Variants in TJP2 observed in about 807,000 individuals in gnomAD.
TJP2 encodes Friedreich ataxia region gene X104 (tight junction protein ZO-2).
In TJP2, 91 loss-of-function variants were observed where a neutral mutation model predicts 133.1. The observed-to-expected ratio is 0.68, with a 90% CI of 0.58 to 0.81. The LOEUF (loss-of-function observed/expected upper bound fraction) is 0.81, where lower values mean the gene tolerates loss of function less well. TJP2 is among the 40% of genes least tolerant of loss of function. TJP2 has a pLI of 0.00. For synonymous variants in TJP2, 592 were observed against 583.4 expected, an observed-to-expected ratio of 1.01 and a Z score of -0.21; for missense variants, 1,541 against 1,565.6, an observed-to-expected ratio of 0.98 and a Z score of 0.26.
chr9:69,254,340 GCCAGT>G lies in TJP2; in HGVS notation c.3541_3545del (p.Gln1181CysfsTer12). The G allele has an allele frequency of 6.2e-7, 1 of 1,614,216 alleles. No homozygotes were observed. Among genetic ancestry groups the G allele is most frequent in the Non-Finnish European group, 8.5e-7 (1 of 1,180,042 alleles). On this transcript the variant is annotated frameshift_variant, in exon 23 of 23. Transcript: ENST00000377245. LOFTEE classifies it high-confidence loss of function. Reference sequence around the variant, plus strand: ...GAACACTCCAAGCGCGGTTACTATGGCCAGTCTGCCCGATACCGGGACACAGAATT... The same window carrying G: ...GAACACTCCAAGCGCGGTTACTATGGCTGCCCGATACCGGGACACAGAATT...
chr9:69,146,134 TA>T (rs1428095151), intron 1 of TJP2, among the ~76,000 whole-genome samples: 4 of 152,212 alleles, frequency 2.6e-5, no homozygotes, highest in African/African-American at 9.6e-5. Flanking sequence ...TAGCAATTCT[TA>T]AGAATGAAGA....
chr9:69,168,474 AAG>A (rs776667025), intron 2 of TJP2, among the ~76,000 whole-genome samples: 1 of 152,110 alleles, frequency 6.6e-6, no homozygotes, highest in South Asian at 2.1e-4. Flanking sequence ...AAAAAGAAAA[AAG>A]AGGAGGACTT....
chr9:69,242,409 A>C (rs1184650480), intron 17 of TJP2, among the ~76,000 whole-genome samples: 2 of 152,218 alleles, frequency 1.3e-5, no homozygotes, highest in African/African-American at 4.8e-5. Context: ...TGTAACTTAC[A>C]TTAGAACTGC....
chr9:69,251,767 A>G (rs144171640), intron 21 of TJP2, among the ~76,000 whole-genome samples: 45 of 152,262 alleles, frequency 3.0e-4, no homozygotes, highest in African/African-American at 1.1e-3. Flanking sequence ...CATAGATTGT[A>G]CTTTTTGAGC....
At chr9:69,199,081 A>G (rs1042105335) in intron 1 of TJP2, among the ~76,000 whole-genome samples, 3 of 152,230 alleles carry the variant, frequency 2.0e-5, no homozygotes, top group African/African-American at 7.2e-5. Context: ...TCTTCACAAT[A>G]GTTAAAACCA....
chr9:69,253,997 G>T (rs1831526451), intron 22 of TJP2: 4 of 607,738 alleles, frequency 6.6e-6, no homozygotes, highest in Admixed American at 2.5e-5. Flanking sequence ...CACCTGGCTG[G>T]CTTCCTCACT....
At chr9:69,204,838 A>T in intron 1 of TJP2, 1 of 1,101,568 alleles carries the variant, frequency 9.1e-7, no homozygotes, top group Non-Finnish European at 1.1e-6. Flanking sequence ...CAATTCTGTC[A>T]ACTTAGATGC....
At chr9:69,217,851 G>A (rs1828507254) in intron 3 of TJP2, among the ~76,000 whole-genome samples, 2 of 152,156 alleles carry the variant, frequency 1.3e-5, no homozygotes, top group South Asian at 4.1e-4. Flanking sequence ...CCCTTTTCCT[G>A]CACAAAAGCA....
chr9:69,148,968 C>A (rs1823345208), intron 1 of TJP2, among the ~76,000 whole-genome samples: 1 of 152,156 alleles, frequency 6.6e-6, no homozygotes. Flanking sequence ...TACCCAGCCA[C>A]CTATGAATCT....
At chr9:69,156,761 C>T (rs1003300095) in intron 2 of TJP2, among the ~76,000 whole-genome samples, 2 of 151,978 alleles carry the variant, frequency 1.3e-5, no homozygotes, top group Admixed American at 6.5e-5. Flanking sequence ...CCTCGTGATC[C>T]GCCCGCCTCG....
upstream of TJP2, among the ~76,000 whole-genome samples, chr9:69,173,330 A>G (rs1363711373): frequency 6.6e-6 from 1 of 152,222 alleles, no homozygotes; most frequent in Non-Finnish European, 1.5e-5. Flanking sequence ...GATTCTCCAA[A>G]TTAATTTATA....
At position 69,132,917 on chromosome 9, in the gene TJP2, C is replaced by A. The variant is rs57848371; in HGVS notation, c.-131+11192C>A. Reference sequence around the variant, plus strand: ...GTGCCTTGGGCAAGTTACTTAGTCACCTGGTGCCTAGATTTCTTCATTTCT... The same window carrying A: ...GTGCCTTGGGCAAGTTACTTAGTCAACTGGTGCCTAGATTTCTTCATTTCT... On this transcript the variant is annotated intron_variant, in intron 1 of 5. Transcript: ENST00000423935. Among the ~76,000 whole-genome samples, 876 of 152,236 alleles carry A rather than the reference C, an allele frequency of 5.8e-3. 3 individuals carry two copies. Among genetic ancestry groups the A allele is most frequent in the African/African-American group, 0.02 (834 of 41,528 alleles).
chr9:69,140,281 A>G lies in TJP2; in HGVS notation c.-130-11370A>G, dbSNP rs538551969. 1.0e-3 allele frequency among the ~76,000 whole-genome samples: 154 copies of G among 152,324 alleles called. 1 individual carries two copies. The highest frequency in any genetic ancestry group is 3.6e-3 in the African/African-American group (150 of 41,578). On this transcript the variant is annotated intron_variant, in intron 1 of 5. Transcript: ENST00000423935. ...ATGTTACATGTGCTCAGTGCTTTCC[A>G]TGTAATAACTGGTGTAATTTTAAAA...
chr9:69,229,873 C>T (rs1829637155), intron 10 of TJP2, among the ~76,000 whole-genome samples: 2 of 152,114 alleles, frequency 1.3e-5, no homozygotes, highest in African/African-American at 4.8e-5. Flanking sequence ...ATGTCTTCAC[C>T]AGTAACCAGG....
chr9:69,154,030 CACA>C (rs1823616114), intron 2 of TJP2, among the ~76,000 whole-genome samples: 1 of 152,198 alleles, frequency 6.6e-6, no homozygotes, highest in South Asian at 2.1e-4. Context: ...GGTTCCTCCT[CACA>C]ACAACCCTAA....
Position 69,230,127 on chromosome 9 carries a change from C to T in TJP2, c.1566C>T (p.Gly522=). Residue 522 remains glycine (G), a synonymous_variant, in exon 11 of 23, where the codon GGC becomes GGT. Coordinates refer to ENST00000377245, the MANE Select transcript of TJP2 (RefSeq NM_004817.4). ...MVRFKKGDSV[G]LRLAGGNDVG... ...GGTTCAAGAAGGGAGACAGCGTGGG[C>T]CTCCGGTTGGCTGGTGGCAATGATG... 6.2e-7 allele frequency: 1 copy of T among 1,614,160 alleles called. No individual in the cohort carries two copies. The highest frequency in any genetic ancestry group is 8.5e-7 in the Non-Finnish European group (1 of 1,180,018).
chr9:69,247,376 C>T (rs893021374), intron 18 of TJP2, among the ~76,000 whole-genome samples: 4 of 152,130 alleles, frequency 2.6e-5, no homozygotes, highest in African/African-American at 4.8e-5. Context: ...TACCTGTGGC[C>T]GCTTTTATTT....
In TJP2 at chr9:69,243,038, A is replaced by T. The variant is rs990676092; in HGVS notation, c.2566+2891A>T. On this transcript the variant is annotated intron_variant, in intron 17 of 22. Coordinates refer to ENST00000377245, the MANE Select transcript of TJP2 (RefSeq NM_004817.4). Reference sequence around the variant, plus strand: ...ACCACCATGCCTGGGTAATTTTTGTATTTTTTCTGGCAACAGGGTTTACCC... The same window carrying T: ...ACCACCATGCCTGGGTAATTTTTGTTTTTTTTCTGGCAACAGGGTTTACCC... Among the ~76,000 whole-genome samples, 40 of 151,266 alleles carry T rather than the reference A, an allele frequency of 2.6e-4. 1 individual carries two copies. Among genetic ancestry groups the T allele is most frequent in the Non-Finnish European group, 5.9e-5 (4 of 67,856 alleles).
chr9:69,216,321 C>CATCCTACA lies in TJP2; in HGVS notation c.115-18_115-17insATCCTACA. ...ACTTATTGAAGGATTTTTAATATTT[C>CATCCTACA]TCCTCTCTGATGTACAGGATTCCAA... On this transcript the variant is annotated splice_polypyrimidine_tract_variant and intron_variant, in intron 2 of 22. Transcript: ENST00000377245. The CATCCTACA allele has an allele frequency of 6.2e-7, 1 of 1,614,026 alleles. No homozygotes were observed. Among genetic ancestry groups the CATCCTACA allele is most frequent in the Non-Finnish European group, 8.5e-7 (1 of 1,179,958 alleles).
Sources: allele counts gnomAD v4.1 joint callset (sites outside exome capture counted in the v4.1 genomes callset), GRCh38; gene constraint gnomAD v4.1.1; transcripts MANE v1.5; gene names NCBI Gene and HGNC (gene_info 2026-07-23, HGNC 2026-07-21).